Variants in ENTREP2 observed in about 807,000 individuals in gnomAD.
ENTREP2 encodes endosomal transmembrane epsin interactor 2, also known as protein ENTREP2.
the ENTREP2 span, among the ~76,000 whole-genome samples, chr15:29,150,870 C>T: frequency 2.0e-5 from 3 of 151,896 alleles, no homozygotes; most frequent in Non-Finnish European, 2.9e-5. Context: ...TGGGAAGCAG[C>T]GTAGGTCTCA....
the ENTREP2 span, chr15:29,233,736 T>C: frequency 6.9e-7 from 1 of 1,438,890 alleles, no homozygotes; most frequent in Non-Finnish European, 9.8e-7. Flanking sequence ...CTGAGCTGTT[T>C]GTTAACCACA....
chr15:29,135,905 G>C, the ENTREP2 span, among the ~76,000 whole-genome samples: 7,694 of 151,294 alleles, frequency 0.051, 308 homozygotes, highest in Non-Finnish European at 0.07. This position sits in a 1 kb window ranked among gnomAD's most constrained non-coding sequence, Gnocchi z 7.4. Context: ...GGGGCGCCCT[G>C]GGTACTCGGT....
the ENTREP2 span, among the ~76,000 whole-genome samples, chr15:29,382,477 C>T: frequency 6.6e-6 from 1 of 152,004 alleles, no homozygotes; most frequent in East Asian, 1.9e-4. Flanking sequence ...ATCACAGCTT[C>T]CCACCTCACC....
At chr15:29,553,373 T>A in the ENTREP2 span, among the ~76,000 whole-genome samples, 2 of 152,248 alleles carry the variant, frequency 1.3e-5, no homozygotes, top group East Asian at 3.9e-4. Context: ...TGCAAACCAA[T>A]TAAAATACCA....
the ENTREP2 span, among the ~76,000 whole-genome samples, chr15:29,366,971 T>A: frequency 6.6e-6 from 1 of 152,172 alleles, no homozygotes; most frequent in Non-Finnish European, 1.5e-5. Flanking sequence ...CCTTTAAAGA[T>A]ATTTGGAGAG....
chr15:29,224,846 C>T, the ENTREP2 span, among the ~76,000 whole-genome samples: 9 of 152,276 alleles, frequency 5.9e-5, no homozygotes, highest in South Asian at 1.0e-3. Context: ...GAGCAGGGGG[C>T]GGTGCACACT....
the ENTREP2 span, among the ~76,000 whole-genome samples, chr15:29,553,568 C>A: frequency 6.6e-6 from 1 of 152,180 alleles, no homozygotes; most frequent in African/African-American, 2.4e-5. Context: ...GCTGGCAGGT[C>A]TGTGACTGCT....
chr15:29,434,993 A>C, the ENTREP2 span, among the ~76,000 whole-genome samples: 2 of 152,108 alleles, frequency 1.3e-5, no homozygotes, highest in Admixed American at 1.3e-4. Flanking sequence ...AAACTGCTCT[A>C]AACCCAGTGA....
the ENTREP2 span, among the ~76,000 whole-genome samples, chr15:29,453,772 T>C: frequency 1.3e-5 from 2 of 152,344 alleles, no homozygotes; most frequent in African/African-American, 4.8e-5. Context: ...ATAGCAGGAA[T>C]CTTGCTGTGT....
the ENTREP2 span, among the ~76,000 whole-genome samples, chr15:29,390,678 C>T: frequency 6.6e-6 from 1 of 152,142 alleles, no homozygotes; most frequent in Admixed American, 6.5e-5. Flanking sequence ...TTGATTGGTA[C>T]CCTGCCTGGA....
At chr15:29,245,708 T>C in the ENTREP2 span, among the ~76,000 whole-genome samples, 2 of 151,968 alleles carry the variant, frequency 1.3e-5, no homozygotes, top group Non-Finnish European at 2.9e-5. Flanking sequence ...TAAAGAAATA[T>C]AAGCAACTTA....
chr15:29,181,591 G>T, the ENTREP2 span, among the ~76,000 whole-genome samples: 1 of 151,836 alleles, frequency 6.6e-6, no homozygotes, highest in Non-Finnish European at 1.5e-5. Flanking sequence ...ATGCAAGAAC[G>T]GTTCCACATT....
At chr15:29,557,044 AG>A in the ENTREP2 span, among the ~76,000 whole-genome samples, 1 of 152,220 alleles carries the variant, frequency 6.6e-6, no homozygotes, top group African/African-American at 2.4e-5. Flanking sequence ...TTCCTCTGCA[AG>A]GGGACTGCCT....
the ENTREP2 span, among the ~76,000 whole-genome samples, chr15:29,538,539 A>AAG: frequency 6.6e-6 from 1 of 151,544 alleles, no homozygotes; most frequent in South Asian, 2.1e-4. Context: ...TCACGCTTGT[A>AAG]ATCCCAGCAC....
At chr15:29,334,016 T>A in the ENTREP2 span, among the ~76,000 whole-genome samples, 3 of 152,118 alleles carry the variant, frequency 2.0e-5, no homozygotes, top group Non-Finnish European at 4.4e-5. Flanking sequence ...TGGAACAGAT[T>A]TTCCCTCAGG....
the ENTREP2 span, among the ~76,000 whole-genome samples, chr15:29,199,962 T>C: frequency 6.6e-6 from 1 of 152,244 alleles, no homozygotes; most frequent in African/African-American, 2.4e-5. Context: ...TTCCAACATT[T>C]GTTGAAAAAT....
the ENTREP2 span, among the ~76,000 whole-genome samples, chr15:29,211,134 C>A: frequency 6.6e-6 from 1 of 152,140 alleles, no homozygotes; most frequent in African/African-American, 2.4e-5. Flanking sequence ...CAAATTATTT[C>A]TTCAGTCTTT....
chr15:29,368,682 G>A, the ENTREP2 span, among the ~76,000 whole-genome samples: 1 of 151,750 alleles, frequency 6.6e-6, no homozygotes, highest in Non-Finnish European at 1.5e-5. Context: ...GACCAGCCTG[G>A]GCAACATAGC....
At chr15:29,445,941 T>C in the ENTREP2 span, among the ~76,000 whole-genome samples, 13 of 152,146 alleles carry the variant, frequency 8.5e-5, no homozygotes, top group Non-Finnish European at 1.6e-4. Flanking sequence ...TGCTGGAGAA[T>C]TGCTTGCTGT....
Sources: gnomAD v4.1 joint callset for allele counts (sites outside exome capture counted in the v4.1 genomes callset) on GRCh38, gnomAD v4.1.1 for gene constraint, Gnocchi (gnomAD v3.1) non-coding constraint, MANE v1.5 for transcripts, NCBI Gene and HGNC (gene_info 2026-07-23, HGNC 2026-07-21) for gene names.